CENPW: variants seen among roughly 807,000 people sequenced by gnomAD.
The protein encoded by CENPW is centromere protein W, also known as cancer-up-regulated gene 2 protein.
Under a neutral mutation model 11.1 loss-of-function variants are expected in CENPW, and 3 were observed. The ratio of observed to expected loss-of-function variants is 0.27; its 90% confidence interval spans 0.12 to 0.70. The LOEUF (loss-of-function observed/expected upper bound fraction) is 0.70. Among genes scored for constraint, CENPW ranks in the 30% least tolerant of loss-of-function variants. The pLI is 0.77. For synonymous variants in CENPW, 38 were observed against 42.0 expected, an observed-to-expected ratio of 0.91 and a Z score of 0.37; for missense variants, 100 against 105.6, an observed-to-expected ratio of 0.95 and a Z score of 0.23.
At chr6:126,419,030 T>C in the CENPW span, among the ~76,000 whole-genome samples, 2 of 152,072 alleles carry the variant, frequency 1.3e-5, no homozygotes, top group Admixed American at 1.3e-4. Context: ...TGTATACATA[T>C]GTAGCAAACC....
chr6:126,427,044 T>G, the CENPW span, among the ~76,000 whole-genome samples: 1 of 152,144 alleles, frequency 6.6e-6, no homozygotes, highest in African/African-American at 2.4e-5. Flanking sequence ...TGTACTATCC[T>G]TTTTGCACAT....
At chr6:126,349,318 C>G (rs893163437), downstream of CENPW, among the ~76,000 whole-genome samples, 2 of 152,106 alleles carry the variant, frequency 1.3e-5, no homozygotes, top group Non-Finnish European at 2.9e-5. Flanking sequence ...CATATAGGTA[C>G]AGTGTACATG....
the CENPW span, among the ~76,000 whole-genome samples, chr6:126,386,541 C>A: frequency 6.6e-6 from 1 of 152,158 alleles, no homozygotes; most frequent in African/African-American, 2.4e-5. Context: ...TACACTGCGC[C>A]TTCTGCCATT....
At chr6:126,364,152 G>A in the CENPW span, among the ~76,000 whole-genome samples, 15 of 152,198 alleles carry the variant, frequency 9.9e-5, no homozygotes, top group African/African-American at 3.6e-4. Flanking sequence ...TAAACCTGAG[G>A]TCTATAATTC....
chr6:126,464,006 G>T, the CENPW span, among the ~76,000 whole-genome samples: 1 of 151,876 alleles, frequency 6.6e-6, no homozygotes. Context: ...GATCTTTCTT[G>T]TAAGAAAAAA....
chr6:126,373,040 T>C, the CENPW span, among the ~76,000 whole-genome samples: 1 of 152,320 alleles, frequency 6.6e-6, no homozygotes, highest in African/African-American at 2.4e-5. Context: ...TATATTATAG[T>C]TGAATAACTG....
At chr6:126,469,141 C>T in the CENPW span, among the ~76,000 whole-genome samples, 4 of 152,218 alleles carry the variant, frequency 2.6e-5, no homozygotes, top group East Asian at 7.7e-4. Context: ...GGCTCTGTGT[C>T]CCCACCCAAA....
chr6:126,402,719 A>G, the CENPW span, among the ~76,000 whole-genome samples: 2 of 152,092 alleles, frequency 1.3e-5, no homozygotes, highest in East Asian at 1.9e-4. Flanking sequence ...ATAATATTCT[A>G]TTGTATGGAT....
In CENPW at chr6:126,348,483, C is replaced by T; in HGVS notation, c.258C>T (p.Ser86=). ...LAAAKVILKK[S]RG The stretch of plus-strand genomic sequence containing the variant: ...TCTTACAGGTAATTCTAAAGAAGAG[C>T]AGAGGTTAGAAGTCAAAGAACATAT... Residue 86 remains serine, a synonymous_variant, in exon 3 of 3, where the codon AGC becomes AGT. Transcript: ENST00000368328. 2.1e-6 allele frequency: 3 copies of T among 1,430,118 alleles called. No individual in the cohort carries two copies. In the South Asian group the frequency reaches 3.5e-5, roughly 17 times the overall value. 88.6% of individuals were successfully genotyped at this position (1,430,118 alleles called of 1,614,324 possible). A position where few individuals can be genotyped will look rare whatever the true frequency, so the allele number is the denominator to read the frequency against.
the CENPW span, among the ~76,000 whole-genome samples, chr6:126,382,720 A>T: frequency 1.1e-4 from 17 of 152,192 alleles, 1 homozygote; most frequent in African/African-American, 4.1e-4. Context: ...TTCTGAAATA[A>T]GATAGTTAAC....
the CENPW span, among the ~76,000 whole-genome samples, chr6:126,473,129 A>T: frequency 1.3e-5 from 2 of 152,262 alleles, no homozygotes; most frequent in Non-Finnish European, 2.9e-5. Flanking sequence ...TTGTATGGTT[A>T]AGCCAAAGTT....
the CENPW span, among the ~76,000 whole-genome samples, chr6:126,379,861 C>T: frequency 6.6e-6 from 1 of 152,136 alleles, no homozygotes; most frequent in African/African-American, 2.4e-5. Context: ...TAAAAGTAGG[C>T]ATTTTCCAAA....
the CENPW span, among the ~76,000 whole-genome samples, chr6:126,412,332 G>T: frequency 6.6e-6 from 1 of 151,658 alleles, no homozygotes; most frequent in Non-Finnish European, 1.5e-5. Flanking sequence ...TTAGAGTCTT[G>T]TTTTACAGGT....
At chr6:126,403,333 A>T in the CENPW span, among the ~76,000 whole-genome samples, 1 of 152,284 alleles carries the variant, frequency 6.6e-6, no homozygotes, top group Non-Finnish European at 1.5e-5. Flanking sequence ...AGCCATGTTG[A>T]AAGCTGAGAT....
the CENPW span, among the ~76,000 whole-genome samples, chr6:126,360,932 G>A: frequency 6.6e-6 from 1 of 152,092 alleles, no homozygotes; most frequent in Admixed American, 6.5e-5. Flanking sequence ...ATTTCAATCT[G>A]GTTATGAACC....
chr6:126,427,889 A>G, the CENPW span, among the ~76,000 whole-genome samples: 1 of 152,196 alleles, frequency 6.6e-6, no homozygotes, highest in Admixed American at 6.5e-5. Flanking sequence ...CCATGAAACT[A>G]TCTGGCTCTT....
At chr6:126,365,154 A>G in the CENPW span, among the ~76,000 whole-genome samples, 122 of 152,258 alleles carry the variant, frequency 8.0e-4, no homozygotes, top group African/African-American at 2.6e-3. Flanking sequence ...AACTTAGATC[A>G]CCTGGCCTAA....
the CENPW span, among the ~76,000 whole-genome samples, chr6:126,434,335 A>C: frequency 6.6e-6 from 1 of 152,210 alleles, no homozygotes; most frequent in East Asian, 1.9e-4. Flanking sequence ...TCAGTCTTCT[A>C]AGGAAACAAA....
the CENPW span, among the ~76,000 whole-genome samples, chr6:126,436,436 T>G: frequency 6.6e-6 from 1 of 151,830 alleles, no homozygotes; most frequent in Non-Finnish European, 1.5e-5. Flanking sequence ...TCTTTTGAGG[T>G]CCTAGCTTTA....
Sources: gnomAD v4.1 joint callset for allele counts (sites outside exome capture counted in the v4.1 genomes callset) on GRCh38, gnomAD v4.1.1 for gene constraint, MANE v1.5 for transcripts, NCBI Gene and HGNC (gene_info 2026-07-23, HGNC 2026-07-21) for gene names.